EFS: variants seen among roughly 807,000 people sequenced by gnomAD.
The protein encoded by EFS is Cas scaffolding protein family member 3.
EFS carries 34 observed loss-of-function variants against 42.2 expected under a neutral mutation model. The ratio of observed to expected loss-of-function variants is 0.81; its 90% CI spans 0.61 to 1.07. The LOEUF is 1.07. Ranked by LOEUF, EFS falls within the 50% of genes least tolerant of loss-of-function variation. EFS has a pLI of 0.00. For missense variants in EFS, 717 were observed against 729.4 expected, an observed-to-expected ratio of 0.98 and a Z score of 0.20; for synonymous variants, 299 against 320.7, an observed-to-expected ratio of 0.93 and a Z score of 0.72.
intron 1 of EFS, among the ~76,000 whole-genome samples, chr14:23,362,535 T>C (rs1890186268): frequency 2.0e-5 from 3 of 152,266 alleles, no homozygotes; most frequent in African/African-American, 7.2e-5. Flanking sequence ...CATCAAACCA[T>C]TTTCTGATTA....
At chr14:23,363,871 C>T (rs537418093) in intron 1 of EFS, among the ~76,000 whole-genome samples, 12 of 151,396 alleles carry the variant, frequency 7.9e-5, no homozygotes, top group Non-Finnish European at 1.2e-4. Context: ...GAGGTCGAGG[C>T]TGCATTGAGC....
In EFS at chr14:23,359,692, A is replaced by T. The variant is rs960321765; in HGVS notation, c.786T>A (p.Ala262=). Residue 262 remains alanine (A), a synonymous_variant, in exon 4 of 6, where the codon GCT becomes GCA. Transcript: ENST00000216733. ...CTCCAGGGGGCTCTGGAGAAGGGGG[A>T]GCCTCTGGCCCCAGCAGAGGCACAT... ...IYDVPLLGPE[A]PPSPEPPGAL... 7 of 1,510,228 alleles carry T rather than the reference A, an allele frequency of 4.6e-6. No individual in the cohort carries two copies. Among genetic ancestry groups the T allele is most frequent in the Non-Finnish European group, 4.4e-6 (5 of 1,130,866 alleles). The allele number at this position is 1,510,228 out of a possible 1,614,324, so 93.6% of individuals were successfully genotyped here.
chr14:23,356,704 GC>G lies in EFS; in HGVS notation c.*521del, dbSNP rs1038282099. The G allele has an allele frequency of 6.6e-6, 1 of 152,270 alleles. No homozygotes were observed. Among genetic ancestry groups the G allele is most frequent in the Non-Finnish European group, 1.5e-5 (1 of 68,086 alleles). 9.4% of individuals were successfully genotyped at this position (152,270 alleles called of 1,614,324 possible). ...TATTAAGGTGCACACCCATGTCTGAGCCCCAGCTCTCTCCGCCTTCTGTGGG... is the reference window on the plus strand; with the variant it reads ...TATTAAGGTGCACACCCATGTCTGAGCCCAGCTCTCTCCGCCTTCTGTGGG... On this transcript the variant is annotated 3_prime_UTR_variant, in exon 6 of 6. Coordinates refer to ENST00000216733, the MANE Select transcript of EFS (RefSeq NM_005864.4).
rs1890107533 is a variant in EFS at position 23,360,440 on chromosome 14, T to A, written c.297+115A>T. On this transcript the variant is annotated intron_variant, in intron 2 of 5. Coordinates refer to ENST00000216733, the MANE Select transcript of EFS (RefSeq NM_005864.4). The stretch of plus-strand genomic sequence containing the variant: ...ACAGGTTTCGTCCAGCGCAGAGCAG[T>A]GAAGAGCTGTGGCCTCAGGGCTCTT... The A allele has an allele frequency of 6.7e-6, 10 of 1,487,760 alleles. No homozygotes were observed. The Admixed American group carries it at 2.0e-4, about 30-fold the overall frequency. 92.2% of individuals were successfully genotyped at this position (1,487,760 alleles called of 1,614,324 possible).
chr14:23,363,759 G>A (rs28639467), intron 1 of EFS, among the ~76,000 whole-genome samples: 23,175 of 151,980 alleles, frequency 0.15, 2,177 homozygotes, highest in African/African-American at 0.26. Context: ...GCAACATGGC[G>A]AAACCCTGCC....
At chr14:23,358,718 G>A (rs1890007392) in intron 5 of EFS, among the ~76,000 whole-genome samples, 158 bp downstream of exon 5, 1 of 152,150 alleles carries the variant, frequency 6.6e-6, no homozygotes, top group Non-Finnish European at 1.5e-5. Flanking sequence ...GTTCCTTCCT[G>A]TAGATTTCTA....
chr14:23,365,160 G>A lies in EFS; in HGVS notation c.-135C>T. ...TGAGTCGTGGCCTCCGCCAAGGTTG[G>A]AGGAGGAGAAAGAAAACCCACAAAA... On this transcript the variant is annotated 5_prime_UTR_variant, in exon 1 of 6. Transcript: ENST00000216733. This position sits in a 1 kb window ranked among gnomAD's most constrained non-coding sequence, Gnocchi z 5.3. The A allele has an allele frequency of 1.3e-6, 1 of 795,454 alleles. No homozygotes were observed. Among genetic ancestry groups the A allele is most frequent in the Non-Finnish European group, 1.7e-6 (1 of 579,490 alleles). The allele number at this position is 795,454 out of a possible 1,614,324, so 49.3% of individuals were successfully genotyped here.
intron 4 of EFS, 93 bp from the exon 5 acceptor site, chr14:23,359,058 T>C (rs1210718684): frequency 3.2e-6 from 4 of 1,255,874 alleles, no homozygotes. Context: ...ACCCCCTTCC[T>C]TCCGAAGGAC....
Position 23,357,202 on chromosome 14 carries a change from G to C in EFS, c.*24C>G. Reference sequence around the variant, plus strand: ...AGGGGGGCTTTGGCAGGCAGGGGAGGAGCAGAGCTGTGCCAAAGGACCTTC... The same window carrying C: ...AGGGGGGCTTTGGCAGGCAGGGGAGCAGCAGAGCTGTGCCAAAGGACCTTC... On this transcript the variant is annotated 3_prime_UTR_variant, in exon 6 of 6. Transcript: ENST00000216733. 6.6e-7 allele frequency: 1 copy of C among 1,517,410 alleles called. No individual in the cohort carries two copies. The highest frequency in any genetic ancestry group is 8.9e-7 in the Non-Finnish European group (1 of 1,125,140). 94.0% of individuals were successfully genotyped at this position (1,517,410 alleles called of 1,614,324 possible). A position where few individuals can be genotyped will look rare whatever the true frequency, so the allele number is the denominator to read the frequency against.
chr14:23,364,962 C>A (rs775679345), intron 1 of EFS, 46 bp downstream of exon 1: 1 of 1,263,452 alleles, frequency 7.9e-7, no homozygotes, highest in South Asian at 3.3e-5. Context: ...GCAGGGCAGG[C>A]CGTGGAGGTC....
At position 23,359,683 on chromosome 14, in the gene EFS, A is replaced by G. The variant is rs756252605; in HGVS notation, c.795T>C (p.Ser265=). Residue 265 remains serine, a synonymous_variant, in exon 4 of 6, where the codon TCT becomes TCC. Transcript: ENST00000216733. ...VPLLGPEAPP[S]PEPPGALASH... ...AGGCCAAGGCTCCAGGGGGCTCTGG[A>G]GAAGGGGGAGCCTCTGGCCCCAGCA... is the stretch of plus-strand genomic sequence containing the variant. 1.2e-5 allele frequency: 18 copies of G among 1,509,932 alleles called. 1 individual carries two copies. In the South Asian group the frequency reaches 2.0e-4, roughly 17 times the overall value. 93.5% of individuals were successfully genotyped at this position (1,509,932 alleles called of 1,614,324 possible).
rs375046962 is a variant in EFS, at chr14:23,360,720, G to A, written c.132C>T (p.Asp44=). The A allele has an allele frequency of 2.4e-5, 38 of 1,613,794 alleles. No homozygotes were observed. The highest frequency in any genetic ancestry group is 1.0e-4 in the Admixed American group (6 of 59,992). The change falls in exon 2 of 6, where the codon GAC becomes GAT. Residue 44 remains aspartate (D), a synonymous_variant. Transcript: ENST00000216733. ...CGTGTAGGGAGCAGAGGCACCAGCCGTCCAGTCCACCAGCGCCCTCTCTCT... is the reference window on the plus strand; with the variant it reads ...CGTGTAGGGAGCAGAGGCACCAGCCATCCAGTCCACCAGCGCCCTCTCTCT... ...VLQREGAGGL[D]GWCLCSLHGQ...
chr14:23,361,698 C>T (rs1477421438), intron 1 of EFS, among the ~76,000 whole-genome samples: 3 of 152,150 alleles, frequency 2.0e-5, no homozygotes, highest in African/African-American at 7.2e-5. Context: ...CTGGTGGGGG[C>T]TTATAAGCTT....
rs763797283 is a variant in EFS, at chr14:23,360,542, C to T, written c.297+13G>A. On this transcript the variant is annotated intron_variant, in intron 2 of 5. Transcript: ENST00000216733. ...CTCTTCTGGCTTGGGGTTGGGGAGG[C>T]TCCCACTCTCACCTCCTGGTCCTCA... 11 of 1,527,282 alleles carry T rather than the reference C, an allele frequency of 7.2e-6. No individual in the cohort carries two copies. The African/African-American group carries it at 1.4e-4, about 19-fold the overall frequency. The allele number at this position is 1,527,282 out of a possible 1,614,324, so 94.6% of individuals were successfully genotyped here. A position where few individuals can be genotyped will look rare whatever the true frequency, so the allele number is the denominator to read the frequency against.
At position 23,356,906 on chromosome 14, in the gene EFS, G is replaced by A; in HGVS notation, c.*320C>T. On this transcript the variant is annotated 3_prime_UTR_variant, in exon 6 of 6. Transcript: ENST00000216733. ...ACTTTTCACAGCCAGTCTTCCAGAG[G>A]TGGGTGGTAGTGCAGTGACCTCCAC... 1 of 214,912 alleles carries A rather than the reference G, an allele frequency of 4.7e-6. No individual in the cohort carries two copies. Among genetic ancestry groups the A allele is most frequent in the Non-Finnish European group, 9.1e-6 (1 of 109,972 alleles). The allele number at this position is 214,912 out of a possible 1,614,324, so 13.3% of individuals were successfully genotyped here.
chr14:23,360,114 A>G (rs772162981), intron 3 of EFS, 27 bp downstream of exon 3: 1 of 1,614,096 alleles, frequency 6.2e-7, no homozygotes, highest in South Asian at 1.1e-5. Context: ...CTCCCACCCA[A>G]CATACACAGG....
Position 23,357,171 on chromosome 14 carries a change from G to T in EFS, c.*55C>A, listed in dbSNP as rs1020569264. 2.0e-6 allele frequency: 3 copies of T among 1,466,164 alleles called. No individual in the cohort carries two copies. Among genetic ancestry groups the T allele is most frequent in the Non-Finnish European group, 2.7e-6 (3 of 1,097,846 alleles). 90.8% of individuals were successfully genotyped at this position (1,466,164 alleles called of 1,614,324 possible). On this transcript the variant is annotated 3_prime_UTR_variant, in exon 6 of 6. Transcript: ENST00000216733. ...TAACAAAGCCTTCCAGCCACCCAAGGCCTAAAGGGGGGCTTTGGCAGGCAG... is the reference window on the plus strand; with the variant it reads ...TAACAAAGCCTTCCAGCCACCCAAGTCCTAAAGGGGGGCTTTGGCAGGCAG...
chr14:23,360,896 T>C (rs1455216856), intron 1 of EFS, 63 bp from the exon 2 acceptor site: 9 of 1,480,890 alleles, frequency 6.1e-6, no homozygotes, highest in Non-Finnish European at 5.4e-6. Context: ...ACGTCACCCC[T>C]GCTTAGAACC....
At position 23,357,566 on chromosome 14, in the gene EFS, G is replaced by A; in HGVS notation, c.1346C>T (p.Ala449Val). The change falls in exon 6 of 6, where the codon GCC becomes GTC. Residue 449 changes from alanine to valine, a missense_variant. Transcript: ENST00000216733. ...YAGQCQSHYS[A>V]LQAAVAALMS... ...CAGGGCTGCCACGGCTGCCTGCAGG[G>A]CTGAGTAGTGGCTCTGGCATTGCCC... 1 of 1,609,884 alleles carries A rather than the reference G, an allele frequency of 6.2e-7. No individual in the cohort carries two copies. Among genetic ancestry groups the A allele is most frequent in the Non-Finnish European group, 8.5e-7 (1 of 1,177,050 alleles).
Sources: allele counts gnomAD v4.1 joint callset (sites outside exome capture counted in the v4.1 genomes callset), GRCh38; gene constraint gnomAD v4.1.1; non-coding constraint Gnocchi (gnomAD v3.1); transcripts MANE v1.5; gene names NCBI Gene and HGNC (gene_info 2026-07-23, HGNC 2026-07-21).